The following LRRC7 variants were observed in gnomAD, a reference collection of about 807,000 sequenced individuals.
LRRC7 encodes leucine-rich repeat-containing protein 7.
A neutral mutation model predicts 175.7 loss-of-function variants in LRRC7; 23 were observed. That is an observed-to-expected ratio of 0.13 (90% CI 0.09 to 0.19). LRRC7 has a LOEUF of 0.19. LRRC7 is among the 10% of genes least tolerant of loss of function. LRRC7 has a pLI of 1.00. For missense variants in LRRC7, 1,354 were observed against 1,904.7 expected (o/e 0.71, Z 5.38); for synonymous variants, 685 against 680.9 (o/e 1.01, Z -0.09).
At chr1:69,634,006 TGA>T (rs1652937483) in intron 1 of LRRC7, among the ~76,000 whole-genome samples, 2 of 152,134 alleles carry the variant, frequency 1.3e-5, no homozygotes, top group Non-Finnish European at 2.9e-5. Flanking sequence ...TGATCCAGTC[TGA>T]GTCTTTTCAA....
At chr1:69,681,826 C>T (rs1356638596) in intron 2 of LRRC7, among the ~76,000 whole-genome samples, 14 of 152,122 alleles carry the variant, frequency 9.2e-5, no homozygotes, top group African/African-American at 3.4e-4. Flanking sequence ...ACTGAAACAG[C>T]TTTTGTTCAG....
At chr1:70,074,305 GA>G (rs1558046857) in intron 23 of LRRC7, among the ~76,000 whole-genome samples, 3 of 151,420 alleles carry the variant, frequency 2.0e-5, no homozygotes, top group African/African-American at 2.4e-5. Flanking sequence ...ACACCCTCTG[GA>G]AAAAAAAGAA....
chr1:69,579,365 A>T (rs1646099529), intron 1 of LRRC7, among the ~76,000 whole-genome samples: 1 of 152,130 alleles, frequency 6.6e-6, no homozygotes, highest in African/African-American at 2.4e-5. Flanking sequence ...ATCTTTTTTT[A>T]AAAAATAAAA....
chr1:69,927,992 G>T (rs939582775), intron 7 of LRRC7, among the ~76,000 whole-genome samples: 1 of 152,090 alleles, frequency 6.6e-6, no homozygotes, highest in Non-Finnish European at 1.5e-5. Flanking sequence ...TTTTGCTGTG[G>T]ATATTTTTTC....
intron 11 of LRRC7, among the ~76,000 whole-genome samples, chr1:69,997,228 G>A (rs1655069882): frequency 6.6e-6 from 1 of 152,144 alleles, no homozygotes; most frequent in Admixed American, 6.5e-5. Context: ...GAGAATGCTT[G>A]TGATTTTTGT....
At chr1:69,890,834 A>C (rs889854000) in intron 7 of LRRC7, among the ~76,000 whole-genome samples, 10 of 152,238 alleles carry the variant, frequency 6.6e-5, no homozygotes, top group Middle Eastern at 3.4e-3. Flanking sequence ...TATTTCCTTA[A>C]ACTTCACAAA....
intron 8 of LRRC7, among the ~76,000 whole-genome samples, chr1:69,944,932 C>A (rs1401710646): frequency 1.3e-5 from 2 of 151,934 alleles, no homozygotes; most frequent in African/African-American, 4.8e-5. Flanking sequence ...ATGTAGTTTG[C>A]AAATACTTTC....
intron 1 of LRRC7, among the ~76,000 whole-genome samples, chr1:69,638,697 T>C (rs1397538069): frequency 6.6e-6 from 1 of 151,806 alleles, no homozygotes; most frequent in African/African-American, 2.4e-5. Flanking sequence ...TGAAATTATT[T>C]TTGTTTTTTG....
At chr1:69,846,251 A>C (rs182838435) in intron 7 of LRRC7, among the ~76,000 whole-genome samples, 1 of 152,218 alleles carries the variant, frequency 6.6e-6, no homozygotes, top group Non-Finnish European at 1.5e-5. Context: ...TTGTGAACGA[A>C]TTGTATTTAT....
At chr1:70,073,728 C>T (rs1662562705) in intron 23 of LRRC7, among the ~76,000 whole-genome samples, 1 of 152,210 alleles carries the variant, frequency 6.6e-6, no homozygotes, top group Non-Finnish European at 1.5e-5. Context: ...GGTTCAAGCA[C>T]TGGCTGAAGA....
At chr1:69,631,370 G>A (rs2100378147) in intron 1 of LRRC7, among the ~76,000 whole-genome samples, 1 of 152,068 alleles carries the variant, frequency 6.6e-6, no homozygotes, top group African/African-American at 2.4e-5. Context: ...TACACGCCTT[G>A]AACTCAAATC....
At chr1:69,799,579 T>C (rs754069002) in intron 4 of LRRC7, among the ~76,000 whole-genome samples, 1 of 152,138 alleles carries the variant, frequency 6.6e-6, no homozygotes, top group Non-Finnish European at 1.5e-5. Flanking sequence ...TCCATTGTAT[T>C]TGTGTGCTAC....
chr1:70,137,118 A>G lies in LRRC7; in HGVS notation c.*15231A>G, dbSNP rs1305471371. ...GTATATATGTATCTTGTCAAAAAGG[A>G]CAAGGCTCAGGTGACAGTGGGGACG... On this transcript the variant is annotated 3_prime_UTR_variant, in exon 27 of 27. Coordinates refer to ENST00000651989, the MANE Select transcript of LRRC7 (RefSeq NM_001370785.2). 4.6e-5 allele frequency among the ~76,000 whole-genome samples: 7 copies of G among 152,216 alleles called. No individual in the cohort carries two copies. The highest frequency in any genetic ancestry group is 7.3e-5 in the Non-Finnish European group (5 of 68,034).
chr1:69,665,805 T>C (rs574122493), intron 1 of LRRC7, among the ~76,000 whole-genome samples: 11 of 152,272 alleles, frequency 7.2e-5, no homozygotes, highest in African/African-American at 2.4e-4. Flanking sequence ...CTAATTTGTA[T>C]GCCCTTTATT....
intron 7 of LRRC7, among the ~76,000 whole-genome samples, chr1:69,910,484 G>T (rs1267915964): frequency 1.3e-5 from 2 of 152,184 alleles, no homozygotes; most frequent in African/African-American, 2.4e-5. Context: ...CAGCAGCGGT[G>T]GCTGCAGAAC....
rs1026849372 is a variant in LRRC7, at chr1:69,699,851, T to C, written c.100+21373T>C. Among the ~76,000 whole-genome samples, 5 of 152,314 alleles carry C rather than the reference T, an allele frequency of 3.3e-5. No individual in the cohort carries two copies. In the South Asian group the frequency reaches 6.2e-4, roughly 19 times the overall value. The stretch of plus-strand genomic sequence containing the variant: ...AGCCTCGCATAACCCACTGACATCC[T>C]GAATTACTTCTCTAAGTGTGAGCCA... On this transcript the variant is annotated intron_variant, in intron 2 of 26. Coordinates refer to ENST00000651989, the MANE Select transcript of LRRC7 (RefSeq NM_001370785.2).
intron 2 of LRRC7, among the ~76,000 whole-genome samples, chr1:69,750,536 C>T (rs1013796077): frequency 6.6e-6 from 1 of 152,128 alleles, no homozygotes; most frequent in Admixed American, 6.6e-5. Flanking sequence ...TATCACAAGA[C>T]CTCTGCCTTA....
intron 14 of LRRC7, 126 bp from the exon 15 acceptor site, chr1:70,018,593 A>G (rs2101968171): frequency 1.9e-6 from 1 of 514,540 alleles, no homozygotes; most frequent in Non-Finnish European, 3.4e-6. Flanking sequence ...TTCATGTTGT[A>G]ATTTCTTATT....
At chr1:69,670,609 C>G (rs1658930207) in intron 1 of LRRC7, among the ~76,000 whole-genome samples, 1 of 152,188 alleles carries the variant, frequency 6.6e-6, no homozygotes, top group African/African-American at 2.4e-5. Flanking sequence ...CAAGTTCCCC[C>G]TGGCCCCAGG....
Sources: allele counts gnomAD v4.1 joint callset (sites outside exome capture counted in the v4.1 genomes callset), GRCh38; gene constraint gnomAD v4.1.1; transcripts MANE v1.5; gene names NCBI Gene and HGNC (gene_info 2026-07-23, HGNC 2026-07-21).